FMN2: variants seen among roughly 807,000 people sequenced by gnomAD.
The protein encoded by FMN2 is formin-2.
FMN2 carries 51 observed loss-of-function variants against 142.3 expected under a neutral mutation model. The ratio of observed to expected loss-of-function variants is 0.36; its 90% CI spans 0.29 to 0.45. The LOEUF (loss-of-function observed/expected upper bound fraction) is 0.45, where lower values mean the gene tolerates loss of function less well. Ranked by LOEUF, FMN2 falls within the 20% of genes least tolerant of loss-of-function variation. FMN2 has a pLI of 1.00. For synonymous variants in FMN2, 882 were observed against 869.8 expected, an observed-to-expected ratio of 1.01 and a Z score of -0.25; for missense variants, 1,936 against 2,122.8, an observed-to-expected ratio of 0.91 and a Z score of 1.73.
At chr1:240,343,014 A>T (rs1261420370) in intron 13 of FMN2, among the ~76,000 whole-genome samples, 5 of 152,148 alleles carry the variant, frequency 3.3e-5, no homozygotes, top group African/African-American at 1.2e-4. Flanking sequence ...GCATGAGCAA[A>T]GTTACCTATC....
At chr1:240,182,994 GT>G (rs1665216132) in intron 3 of FMN2, among the ~76,000 whole-genome samples, 1 of 150,412 alleles carries the variant, frequency 6.6e-6, no homozygotes, top group Non-Finnish European at 1.5e-5. Flanking sequence ...CCGGCTCACT[GT>G]AGCCTTCGTC....
intron 4 of FMN2, among the ~76,000 whole-genome samples, chr1:240,193,683 TC>T (rs967412946): frequency 1.3e-5 from 2 of 152,252 alleles, no homozygotes; most frequent in Non-Finnish European, 2.9e-5. Context: ...GCTTTCCTTC[TC>T]CCGGGCCTCC....
intron 6 of FMN2, among the ~76,000 whole-genome samples, chr1:240,220,918 C>A (rs1667088776): frequency 6.6e-6 from 1 of 152,138 alleles, no homozygotes; most frequent in East Asian, 1.9e-4. Context: ...CTCCATGTGT[C>A]CATGTGTTCT....
At chr1:240,136,367 A>T (rs1231558156) in intron 2 of FMN2, among the ~76,000 whole-genome samples, 1 of 152,230 alleles carries the variant, frequency 6.6e-6, no homozygotes, top group Non-Finnish European at 1.5e-5. Flanking sequence ...CAGTAGTTTC[A>T]TAGATTTTAG....
chr1:240,364,253 A>C (rs1367544870), intron 14 of FMN2, among the ~76,000 whole-genome samples: 1 of 152,134 alleles, frequency 6.6e-6, no homozygotes, highest in Non-Finnish European at 1.5e-5. Flanking sequence ...TTAATTTAAA[A>C]ATCATTGTAA....
intron 15 of FMN2, among the ~76,000 whole-genome samples, chr1:240,433,499 A>G (rs1408288262): frequency 1.3e-5 from 2 of 152,184 alleles, no homozygotes. Context: ...GCACAATTTG[A>G]ATTCCACTCT....
At chr1:240,315,147 G>A (rs1458023733) in intron 8 of FMN2, among the ~76,000 whole-genome samples, 1 of 152,162 alleles carries the variant, frequency 6.6e-6, no homozygotes, top group African/African-American at 2.4e-5. Flanking sequence ...GATGTTACAG[G>A]AATGGACTTA....
At chr1:240,269,958 G>T (rs1668941736) in intron 7 of FMN2, among the ~76,000 whole-genome samples, 1 of 151,886 alleles carries the variant, frequency 6.6e-6, no homozygotes, top group Admixed American at 6.6e-5. Context: ...CTATATACAA[G>T]ATTATGTCAT....
chr1:240,113,557 C>CAAAAAAAAA (rs34741987), intron 1 of FMN2, among the ~76,000 whole-genome samples: 3 of 88,496 alleles, frequency 3.4e-5, no homozygotes, highest in African/African-American at 4.7e-5. Flanking sequence ...GACTCCGTCT[C>CAAAAAAAAA]AAAAAAAAAA....
chr1:240,339,794 G>T (rs907507200), intron 13 of FMN2, among the ~76,000 whole-genome samples: 5 of 151,746 alleles, frequency 3.3e-5, no homozygotes, highest in African/African-American at 1.2e-4. Context: ...TGCAATTTTT[G>T]TCCACTCAGT....
At chr1:240,148,453 AAAGAG>A (rs1571986269) in intron 2 of FMN2, among the ~76,000 whole-genome samples, 4 of 114,378 alleles carry the variant, frequency 3.5e-5, no homozygotes, top group South Asian at 3.9e-4. Flanking sequence ...AGAGAGAGAG[AAAGAG>A]AGAGAGACAG....
chr1:240,341,556 C>A (rs1416556342), intron 13 of FMN2: 1 of 152,090 alleles, frequency 6.6e-6, no homozygotes, highest in Non-Finnish European at 1.5e-5. Flanking sequence ...TGGAACACAG[C>A]CACGCCCAAT....
chr1:240,179,507 T>TAGGAAGTGGTGTTCC (rs1665064062), intron 3 of FMN2: 1 of 151,332 alleles, frequency 6.6e-6, no homozygotes, highest in African/African-American at 2.4e-5. Context: ...AGAGAGGGTG[T>TAGGAAGTGGTGTTCC]AGGAAGTGTT....
chr1:240,219,478 C>T (rs901282185), intron 6 of FMN2, among the ~76,000 whole-genome samples: 2 of 151,772 alleles, frequency 1.3e-5, no homozygotes, highest in Non-Finnish European at 2.9e-5. Context: ...TTCGTGTGAC[C>T]TAAACCGAAA....
intron 14 of FMN2, among the ~76,000 whole-genome samples, chr1:240,361,707 G>C (rs1375753713): frequency 6.6e-6 from 1 of 152,212 alleles, no homozygotes; most frequent in African/African-American, 2.4e-5. Flanking sequence ...AAGTGGGCAT[G>C]CCCAGTGGAC....
intron 2 of FMN2, among the ~76,000 whole-genome samples, chr1:240,157,863 G>A (rs552246094): frequency 2.6e-5 from 4 of 151,608 alleles, no homozygotes; most frequent in South Asian, 2.1e-4. Flanking sequence ...AGGGCCAGAC[G>A]TGGTGGCTCA....
chr1:240,377,756 T>G (rs1042227441), intron 14 of FMN2, among the ~76,000 whole-genome samples: 9 of 152,140 alleles, frequency 5.9e-5, no homozygotes, highest in African/African-American at 2.2e-4. Flanking sequence ...CATCTTAAGG[T>G]CAGCTGATTA....
chr1:240,145,147 C>T, intron 2 of FMN2: 1 of 1,482,674 alleles, frequency 6.7e-7, no homozygotes, highest in Non-Finnish European at 9.4e-7. Flanking sequence ...TTCGCATTTC[C>T]TCCAGCGCTG....
chr1:240,144,210 G>T (rs1663331600), intron 2 of FMN2: 1 of 1,523,046 alleles, frequency 6.6e-7, no homozygotes, highest in African/African-American at 1.4e-5. Flanking sequence ...ATCGTTAGCA[G>T]CTTGTCTTAA....
Sources: allele counts gnomAD v4.1 joint callset (sites outside exome capture counted in the v4.1 genomes callset), GRCh38; gene constraint gnomAD v4.1.1; transcripts MANE v1.5; gene names NCBI Gene and HGNC (gene_info 2026-07-23, HGNC 2026-07-21).